Variants in WWOX observed in about 807,000 individuals in gnomAD.
WWOX encodes the protein WW domain-containing oxidoreductase.
Under a neutral mutation model 46.2 loss-of-function variants are expected in WWOX, and 69 were observed. That is an observed-to-expected ratio of 1.49 (90% CI 1.23 to 1.82). WWOX has a LOEUF of 1.82. WWOX is among the 40% of genes most tolerant of loss of function. The pLI, the probability that WWOX is intolerant of heterozygous loss-of-function variation, is 0.00. For synonymous variants in WWOX, 359 were observed against 202.6 expected, an observed-to-expected ratio of 1.77 and a Z score of -6.56; for missense variants, 919 against 542.6, an observed-to-expected ratio of 1.69 and a Z score of -6.89.
At chr16:78,541,265 G>A (rs2043885911) in intron 8 of WWOX, among the ~76,000 whole-genome samples, 1 of 151,434 alleles carries the variant, frequency 6.6e-6, no homozygotes, top group Non-Finnish European at 1.5e-5. Flanking sequence ...ACGAGGTCAG[G>A]AGATCGAGAC....
chr16:78,810,086 A>G (rs982174347), intron 8 of WWOX, among the ~76,000 whole-genome samples: 5 of 152,258 alleles, frequency 3.3e-5, no homozygotes, highest in African/African-American at 4.8e-5. Flanking sequence ...GGAAATTTCC[A>G]GACCTAAACC....
intron 8 of WWOX, among the ~76,000 whole-genome samples, chr16:78,699,101 C>T (rs575301815): frequency 3.3e-5 from 5 of 152,218 alleles, no homozygotes; most frequent in African/African-American, 1.2e-4. Flanking sequence ...ATGAAAGTAG[C>T]CATAGGCAAT....
At chr16:78,830,166 G>T (rs181688843) in intron 8 of WWOX, among the ~76,000 whole-genome samples, 9 of 152,098 alleles carry the variant, frequency 5.9e-5, no homozygotes, top group African/African-American at 1.9e-4. Context: ...AAGAGCTGCC[G>T]CAATGAAAGA....
intron 8 of WWOX, among the ~76,000 whole-genome samples, chr16:78,815,936 GCT>G (rs898723100): frequency 3.9e-5 from 6 of 152,114 alleles, no homozygotes; most frequent in Non-Finnish European, 8.8e-5. Context: ...CACTGGCCCT[GCT>G]CTCTCTCGAT....
intron 8 of WWOX, 138 bp from the exon 9 acceptor site, chr16:79,211,470 G>A (rs907942472): frequency 7.0e-5 from 75 of 1,078,294 alleles, no homozygotes; most frequent in Non-Finnish European, 9.5e-5. Context: ...TTTCAGCCCA[G>A]TACCCTTTGC....
chr16:78,743,673 C>G (rs2049282835), intron 8 of WWOX, among the ~76,000 whole-genome samples: 1 of 152,150 alleles, frequency 6.6e-6, no homozygotes, highest in South Asian at 2.1e-4. Context: ...TGATTGGTTG[C>G]TTTCCACGAC....
intron 8 of WWOX, among the ~76,000 whole-genome samples, chr16:78,697,562 G>C (rs1203168738): frequency 2.0e-5 from 3 of 152,098 alleles, no homozygotes; most frequent in African/African-American, 7.2e-5. Context: ...CAAGAAAAAA[G>C]CTAACAATCC....
chr16:79,159,936 C>A (rs189579206), intron 8 of WWOX, among the ~76,000 whole-genome samples: 35 of 152,232 alleles, frequency 2.3e-4, no homozygotes, highest in African/African-American at 8.4e-4. Context: ...TGACTCCCAA[C>A]CCTCCCCAGG....
intron 8 of WWOX, among the ~76,000 whole-genome samples, chr16:79,075,727 A>G (rs2048643488): frequency 6.6e-6 from 1 of 151,924 alleles, no homozygotes; most frequent in Non-Finnish European, 1.5e-5. Context: ...TACTTTTTGT[A>G]TTTTTAGTAG....
chr16:79,150,883 C>T (rs4309412), intron 8 of WWOX, among the ~76,000 whole-genome samples: 53,998 of 151,998 alleles, frequency 0.36, 10,068 homozygotes, highest in East Asian at 0.52. Context: ...AAAATACATC[C>T]GCAGTCCAGA....
chr16:78,583,872 T>G (rs2045125230), intron 8 of WWOX, among the ~76,000 whole-genome samples: 1 of 152,222 alleles, frequency 6.6e-6, no homozygotes, highest in Admixed American at 6.5e-5. Flanking sequence ...GCAAAGCTGG[T>G]TAGTGTTGCA....
chr16:78,516,098 A>G (rs17706673), intron 8 of WWOX, among the ~76,000 whole-genome samples: 7,879 of 152,206 alleles, frequency 0.052, 240 homozygotes, highest in Non-Finnish European at 0.062. Flanking sequence ...CGTGCAAATG[A>G]ATAGCAAGAA....
intron 8 of WWOX, among the ~76,000 whole-genome samples, chr16:79,095,600 C>A (rs1035775935): frequency 1.3e-5 from 2 of 152,172 alleles, no homozygotes; most frequent in Admixed American, 1.3e-4. Flanking sequence ...ATTTAGTTAT[C>A]ACTCATCTAG....
At chr16:78,437,505 A>C (rs1459744557) in intron 8 of WWOX, among the ~76,000 whole-genome samples, 1 of 152,228 alleles carries the variant, frequency 6.6e-6, no homozygotes, top group Non-Finnish European at 1.5e-5. Context: ...ATAATCACTA[A>C]TGAGAAACTC....
At chr16:79,070,776 T>C (rs1430015883) in intron 8 of WWOX, among the ~76,000 whole-genome samples, 1 of 152,230 alleles carries the variant, frequency 6.6e-6, no homozygotes, top group Non-Finnish European at 1.5e-5. Context: ...ATTTGATTTG[T>C]TTCTTCAAAG....
At chr16:79,038,575 G>C (rs966166531) in intron 8 of WWOX, among the ~76,000 whole-genome samples, 2 of 152,072 alleles carry the variant, frequency 1.3e-5, no homozygotes, top group Non-Finnish European at 2.9e-5. Flanking sequence ...TTGAGACAGA[G>C]TTTCTCTCTT....
chr16:78,216,703 A>G (rs1172490652), intron 5 of WWOX, among the ~76,000 whole-genome samples: 1 of 150,328 alleles, frequency 6.7e-6, no homozygotes, highest in Non-Finnish European at 1.5e-5. Flanking sequence ...CATTTGGCCC[A>G]CCTAGATAAC....
chr16:78,954,718 C>T (rs1363105344), intron 8 of WWOX, among the ~76,000 whole-genome samples: 1 of 152,002 alleles, frequency 6.6e-6, no homozygotes, highest in Non-Finnish European at 1.5e-5. Context: ...GTGGTGGGTG[C>T]CATAATAAAA....
intron 8 of WWOX, among the ~76,000 whole-genome samples, chr16:78,884,939 C>T (rs746294782): frequency 6.6e-6 from 1 of 152,146 alleles, no homozygotes; most frequent in Non-Finnish European, 1.5e-5. Flanking sequence ...CCCATCAATT[C>T]ATGTTACCCA....
Sources: gnomAD v4.1 joint callset for allele counts (sites outside exome capture counted in the v4.1 genomes callset) on GRCh38, gnomAD v4.1.1 for gene constraint, MANE v1.5 for transcripts, NCBI Gene and HGNC (gene_info 2026-07-23, HGNC 2026-07-21) for gene names.